BABAM2: variants seen among roughly 807,000 people sequenced by gnomAD.
The protein encoded by BABAM2 is BRISC and BRCA1 A complex member 2.
Under a neutral mutation model 54.7 loss-of-function variants are expected in BABAM2, and 31 were observed. The observed-to-expected ratio is 0.57, with a 90% confidence interval of 0.43 to 0.77. The LOEUF (loss-of-function observed/expected upper bound fraction) is 0.77. Ranked by LOEUF, BABAM2 falls within the 30% of genes least tolerant of loss-of-function variation. The pLI is 0.00. For missense variants in BABAM2, 364 were observed against 455.8 expected, an observed-to-expected ratio of 0.80 and a Z score of 1.83; for synonymous variants, 167 against 162.9, an observed-to-expected ratio of 1.03 and a Z score of -0.19.
intron 7 of BABAM2, among the ~76,000 whole-genome samples, chr2:28,139,611 C>T (rs1670872310): frequency 6.6e-6 from 1 of 152,024 alleles, no homozygotes; most frequent in Admixed American, 6.5e-5. Flanking sequence ...TTATTCAACA[C>T]CTCTTAGTGT....
chr2:28,198,882 T>C (rs1483734679), intron 7 of BABAM2, among the ~76,000 whole-genome samples: 1 of 152,166 alleles, frequency 6.6e-6, no homozygotes, highest in African/African-American at 2.4e-5. Context: ...GAATCTGTTC[T>C]AGTGACAACA....
At chr2:28,000,338 T>G (rs188623284) in intron 4 of BABAM2, among the ~76,000 whole-genome samples, 114 of 152,270 alleles carry the variant, frequency 7.5e-4, no homozygotes, top group Non-Finnish European at 1.2e-3. Flanking sequence ...GGCCAGGTAT[T>G]TTATAGAATG....
chr2:28,221,336 C>A (rs1159950217), intron 7 of BABAM2, among the ~76,000 whole-genome samples: 2 of 152,168 alleles, frequency 1.3e-5, no homozygotes, highest in Non-Finnish European at 2.9e-5. Context: ...CAAGTCTTAG[C>A]CTCAGTGAAA....
At chr2:27,971,226 G>A (rs1305702347) in intron 3 of BABAM2, among the ~76,000 whole-genome samples, 2 of 151,890 alleles carry the variant, frequency 1.3e-5, no homozygotes, top group South Asian at 2.1e-4. Flanking sequence ...GCTTTATTGG[G>A]GCAGAATCTC....
At position 28,304,888 on chromosome 2, in the gene BABAM2, G is replaced by C. The variant is rs1248650661; in HGVS notation, c.1088+6397G>C. Among the ~76,000 whole-genome samples, 1 of 149,416 alleles carries C rather than the reference G, an allele frequency of 6.7e-6. No individual in the cohort carries two copies. The highest frequency in any genetic ancestry group is 1.5e-5 in the Non-Finnish European group (1 of 66,128). On this transcript the variant is annotated intron_variant, in intron 11 of 11. Transcript: ENST00000379624. This position sits in a 1 kb window ranked among gnomAD's most constrained non-coding sequence, Gnocchi z 4.0. ...TGACGGGATTTCACCATGTGGCCCA[G>C]GCTGGTCTTGAACTCCTGAGCTCAG...
chr2:28,148,453 AC>A (rs1168966147), intron 7 of BABAM2, among the ~76,000 whole-genome samples: 8 of 152,256 alleles, frequency 5.3e-5, no homozygotes, highest in African/African-American at 1.4e-4. Context: ...TAGTTGGGTT[AC>A]CAAGGAAACT....
chr2:28,061,286 T>TA (rs200135876), intron 6 of BABAM2, among the ~76,000 whole-genome samples: 19 of 148,426 alleles, frequency 1.3e-4, no homozygotes, highest in South Asian at 2.1e-4. Flanking sequence ...TATCTATATT[T>TA]AAAAAAAAAA....
intron 10 of BABAM2, among the ~76,000 whole-genome samples, chr2:28,250,584 C>CTT (rs34597279): frequency 0.63 from 85,669 of 136,856 alleles, 28,072 homozygotes; most frequent in East Asian, 0.95. Context: ...ATATTTTTTT[C>CTT]TTTTTTTTTT....
At chr2:28,084,437 A>G (rs1665461004) in intron 6 of BABAM2, among the ~76,000 whole-genome samples, 1 of 152,130 alleles carries the variant, frequency 6.6e-6, no homozygotes, top group Non-Finnish European at 1.5e-5. Flanking sequence ...TTTGCTCACC[A>G]CTTTGTGTGT....
chr2:28,182,592 C>T (rs1395926448), intron 7 of BABAM2, among the ~76,000 whole-genome samples: 1 of 152,144 alleles, frequency 6.6e-6, no homozygotes, highest in African/African-American at 2.4e-5. Flanking sequence ...GCTAGAAAGG[C>T]TTTAGAGTGT....
chr2:27,923,833 G>T (rs576188601), intron 2 of BABAM2, among the ~76,000 whole-genome samples: 1 of 152,208 alleles, frequency 6.6e-6, no homozygotes, highest in Admixed American at 6.5e-5. Flanking sequence ...TTAGCCAAGT[G>T]TGGTGGCATG....
At chr2:28,106,398 G>T (rs1667528823) in intron 6 of BABAM2, among the ~76,000 whole-genome samples, 1 of 152,172 alleles carries the variant, frequency 6.6e-6, no homozygotes, top group African/African-American at 2.4e-5. Context: ...GACCTACCAT[G>T]CCTGGTTCAG....
intron 7 of BABAM2, among the ~76,000 whole-genome samples, chr2:28,217,153 C>A (rs1679994254): frequency 1.6e-5 from 1 of 64,244 alleles, no homozygotes; most frequent in African/African-American, 3.5e-5. Context: ...CTCTTATTAG[C>A]ATATACTTTT....
chr2:28,176,629 C>T (rs552872857), intron 7 of BABAM2, among the ~76,000 whole-genome samples: 140 of 107,064 alleles, frequency 1.3e-3, no homozygotes, highest in African/African-American at 4.6e-3. Flanking sequence ...ACAGATAAAC[C>T]GTACAAAGAA....
chr2:28,056,471 A>T (rs747298669), intron 6 of BABAM2, among the ~76,000 whole-genome samples: 18 of 151,664 alleles, frequency 1.2e-4, no homozygotes, highest in East Asian at 5.8e-4. Flanking sequence ...TTTATTTAAA[A>T]TTTTTTTTTA....
At chr2:27,935,048 G>A (rs866246137) in intron 3 of BABAM2, among the ~76,000 whole-genome samples, 92 of 152,296 alleles carry the variant, frequency 6.0e-4, no homozygotes, top group African/African-American at 2.1e-3. Flanking sequence ...AGATGGAACA[G>A]GCTTATGTTG....
chr2:28,233,115 C>T (rs902315279), intron 7 of BABAM2: 8 of 440,358 alleles, frequency 1.8e-5, no homozygotes, highest in Non-Finnish European at 3.8e-5. Flanking sequence ...CTCATCAGAA[C>T]AGCCCTATCA....
intron 6 of BABAM2, among the ~76,000 whole-genome samples, chr2:28,057,048 GCTAGGCATT>G (rs1023145408): frequency 5.9e-4 from 90 of 152,052 alleles, no homozygotes; most frequent in African/African-American, 2.1e-3. Flanking sequence ...AAACTTATAG[GCTAGGCATT>G]CTTAGTCCTT....
intron 2 of BABAM2, among the ~76,000 whole-genome samples, chr2:27,908,495 A>G (rs1196915816): frequency 6.6e-6 from 1 of 151,892 alleles, no homozygotes; most frequent in African/African-American, 2.4e-5. Context: ...CTGGTCTCGA[A>G]CTCTTGGACT....
Sources: allele counts gnomAD v4.1 joint callset (sites outside exome capture counted in the v4.1 genomes callset), GRCh38; gene constraint gnomAD v4.1.1; non-coding constraint Gnocchi (gnomAD v3.1); transcripts MANE v1.5; gene names NCBI Gene and HGNC (gene_info 2026-07-23, HGNC 2026-07-21).